The following SHISA9 variants were observed in gnomAD, a reference collection of about 807,000 sequenced individuals.
SHISA9 encodes shisa family member 9.
Under a neutral mutation model 38.0 loss-of-function variants are expected in SHISA9, and 13 were observed. That is an observed-to-expected ratio of 0.34 (90% confidence interval 0.22 to 0.54). SHISA9 has a LOEUF of 0.54. Ranked by LOEUF, SHISA9 falls within the 20% of genes least tolerant of loss-of-function variation. The pLI is 0.91. For missense variants in SHISA9, 538 were observed against 575.8 expected (o/e 0.93, Z 0.67); for synonymous variants, 275 against 242.0 (o/e 1.14, Z -1.27).
chr16:13,456,853 A>AT, the SHISA9 span, among the ~76,000 whole-genome samples: 154 of 152,364 alleles, frequency 1.0e-3, 1 homozygote, highest in African/African-American at 3.6e-3. Flanking sequence ...CATGCTTATC[A>AT]TCACATGTTG....
Position 13,126,412 on chromosome 16 carries a change from GAGAGGA to G in SHISA9, c.692-76970_692-76965del, listed in dbSNP as rs1277173418. 1.6e-4 allele frequency among the ~76,000 whole-genome samples: 24 copies of G among 152,186 alleles called. No individual in the cohort carries two copies. In the East Asian group the frequency reaches 4.1e-3, roughly 26 times the overall value. On this transcript the variant is annotated intron_variant, in intron 2 of 4. Transcript: ENST00000558583. The stretch of plus-strand genomic sequence containing the variant: ...AGAATGGGCAGTTAATCAGTGCAGA[GAGAGGA>G]AGAGGAAGAGGGAGAGAGAGAGGGA...
At chr16:13,293,724 G>GT in the SHISA9 span, among the ~76,000 whole-genome samples, 1 of 152,264 alleles carries the variant, frequency 6.6e-6, no homozygotes, top group East Asian at 1.9e-4. Context: ...GTTTCATAAT[G>GT]TTTTTCCATG....
the SHISA9 span, among the ~76,000 whole-genome samples, chr16:13,365,062 T>C: frequency 6.6e-6 from 1 of 152,158 alleles, no homozygotes; most frequent in African/African-American, 2.4e-5. Flanking sequence ...ATAATAAAAG[T>C]AATAATAATA....
chr16:13,520,302 G>A, the SHISA9 span, among the ~76,000 whole-genome samples: 1 of 152,012 alleles, frequency 6.6e-6, no homozygotes, highest in Non-Finnish European at 1.5e-5. Context: ...GATTGGGCAC[G>A]TAAAAAGTTC....
chr16:13,004,751 C>G (rs989186102), intron 2 of SHISA9, among the ~76,000 whole-genome samples: 1 of 151,288 alleles, frequency 6.6e-6, no homozygotes, highest in African/African-American at 2.4e-5. Context: ...ATGGTGAAAC[C>G]CCATCTCTAC....
At chr16:13,419,042 T>C in the SHISA9 span, among the ~76,000 whole-genome samples, 1 of 152,216 alleles carries the variant, frequency 6.6e-6, no homozygotes, top group Non-Finnish European at 1.5e-5. Context: ...AATGTGGATA[T>C]TTAATCTTAT....
the SHISA9 span, among the ~76,000 whole-genome samples, chr16:13,294,857 T>C: frequency 1.1e-3 from 173 of 152,316 alleles, no homozygotes; most frequent in African/African-American, 3.9e-3. Flanking sequence ...TGAGGGAGGA[T>C]GACTGTGAAT....
intron 2 of SHISA9, among the ~76,000 whole-genome samples, chr16:12,992,463 C>T (rs2072399943): frequency 2.0e-5 from 3 of 151,738 alleles, no homozygotes; most frequent in Non-Finnish European, 4.4e-5. Flanking sequence ...ACCCGGGAGG[C>T]AGAGGTTGCA....
intron 2 of SHISA9, among the ~76,000 whole-genome samples, chr16:13,030,599 G>A (rs1011960267): frequency 2.6e-5 from 4 of 152,096 alleles, no homozygotes; most frequent in Admixed American, 6.5e-5. Flanking sequence ...CCTGAGATCC[G>A]GACCACATCA....
chr16:13,353,135 C>A, the SHISA9 span, among the ~76,000 whole-genome samples: 1 of 151,792 alleles, frequency 6.6e-6, no homozygotes, highest in African/African-American at 2.4e-5. Flanking sequence ...CTGCTTCAAG[C>A]GGGATTGGGG....
chr16:12,947,086 C>T (rs1373326545), intron 2 of SHISA9, among the ~76,000 whole-genome samples: 1 of 152,164 alleles, frequency 6.6e-6, no homozygotes, highest in East Asian at 1.9e-4. Flanking sequence ...GAGGGGTTCA[C>T]TGTAATCTGG....
At chr16:13,281,373 G>A in the SHISA9 span, among the ~76,000 whole-genome samples, 6 of 151,176 alleles carry the variant, frequency 4.0e-5, no homozygotes, top group African/African-American at 9.7e-5. Flanking sequence ...ATCTTTTTTC[G>A]ATTATTTTAA....
At chr16:13,507,430 A>G in the SHISA9 span, among the ~76,000 whole-genome samples, 1 of 152,100 alleles carries the variant, frequency 6.6e-6, no homozygotes, top group African/African-American at 2.4e-5. Context: ...TTAGTGGTAG[A>G]GTACCCTGGA....
intron 1 of SHISA9, among the ~76,000 whole-genome samples, chr16:12,905,161 C>G (rs1200669232): frequency 1.3e-5 from 2 of 152,194 alleles, no homozygotes; most frequent in Non-Finnish European, 2.9e-5. Flanking sequence ...TAAACACTCT[C>G]TCATTTAGTT....
chr16:13,201,305 C>G (rs1189562289), intron 2 of SHISA9, among the ~76,000 whole-genome samples: 1 of 135,824 alleles, frequency 7.4e-6, no homozygotes, highest in African/African-American at 2.9e-5. Flanking sequence ...ATAGTATTTG[C>G]ATATAACCTA....
intron 2 of SHISA9, among the ~76,000 whole-genome samples, chr16:13,083,280 T>G (rs1162197388): frequency 1.3e-5 from 2 of 152,200 alleles, no homozygotes; most frequent in Non-Finnish European, 2.9e-5. Context: ...AACAAGTTGC[T>G]CAACTTCTCA....
intron 2 of SHISA9, among the ~76,000 whole-genome samples, chr16:12,939,272 C>T (rs1189099000): frequency 5.3e-5 from 8 of 151,766 alleles, no homozygotes; most frequent in Admixed American, 1.3e-4. Flanking sequence ...TTAGTAGAGA[C>T]GGGGTTTCAC....
At chr16:13,114,786 A>G (rs894135881) in intron 2 of SHISA9, among the ~76,000 whole-genome samples, 1 of 151,838 alleles carries the variant, frequency 6.6e-6, no homozygotes, top group Non-Finnish European at 1.5e-5. Flanking sequence ...ATGTGTTTTA[A>G]TTTTTGTGAA....
chr16:13,076,062 G>A (rs1002623737), intron 2 of SHISA9, among the ~76,000 whole-genome samples: 18 of 142,670 alleles, frequency 1.3e-4, no homozygotes, highest in Non-Finnish European at 1.6e-4. Flanking sequence ...ATGCAGTCTC[G>A]CTCTGTCACC....
Sources: allele counts gnomAD v4.1 joint callset (sites outside exome capture counted in the v4.1 genomes callset), GRCh38; gene constraint gnomAD v4.1.1; transcripts MANE v1.5; gene names NCBI Gene and HGNC (gene_info 2026-07-23, HGNC 2026-07-21).